Variants in APOBEC3D observed in about 807,000 individuals in gnomAD.
APOBEC3D encodes the protein DNA dC->dU-editing enzyme APOBEC-3D.
A neutral mutation model predicts 45.6 loss-of-function variants in APOBEC3D; 37 were observed. The observed-to-expected ratio is 0.81, with a 90% CI of 0.62 to 1.07. The LOEUF (loss-of-function observed/expected upper bound fraction) is 1.07, where lower values mean the gene tolerates loss of function less well. Among genes scored for constraint, APOBEC3D ranks in the 50% least tolerant of loss-of-function variants. The probability of loss-of-function intolerance (pLI) is 0.00; values close to 1 mark genes in which losing one functional copy is unlikely to be tolerated. For synonymous variants in APOBEC3D, 175 were observed against 180.7 expected (o/e 0.97, Z 0.25); for missense variants, 496 against 495.3 (o/e 1.00, Z -0.01).
At chr22:39,026,571 C>T (rs1293716316) in intron 4 of APOBEC3D, among the ~76,000 whole-genome samples, 1 of 152,080 alleles carries the variant, frequency 6.6e-6, no homozygotes, top group Non-Finnish European at 1.5e-5. Context: ...TGTCTGTCTC[C>T]CAGGCGAGTC....
chr22:39,027,846 C>T (rs1269950936), intron 4 of APOBEC3D, among the ~76,000 whole-genome samples: 1 of 152,188 alleles, frequency 6.6e-6, no homozygotes, highest in African/African-American at 2.4e-5. Flanking sequence ...CCATCTCCCC[C>T]ACCTGCCCCA....
At chr22:39,024,937 G>A (rs1345138734) in intron 2 of APOBEC3D, 133 bp from the exon 3 acceptor site, 3 of 851,166 alleles carry the variant, frequency 3.5e-6, no homozygotes, top group Non-Finnish European at 5.3e-6. Flanking sequence ...AACCAAACAG[G>A]GGGGATGGAG....
rs118081816 is a variant in APOBEC3D, at chr22:39,027,809, G to T, written c.606-1554G>T. The stretch of plus-strand genomic sequence containing the variant: ...GCCAGGCTCTTTGCCCTGCTATGTG[G>T]TCGCCCCACTGCTGCTTCTGAATGG... On this transcript the variant is annotated intron_variant, in intron 4 of 6. Coordinates refer to ENST00000216099, the MANE Select transcript of APOBEC3D (RefSeq NM_152426.4). Among the ~76,000 whole-genome samples, 364 of 152,188 alleles carry T rather than the reference G, an allele frequency of 2.4e-3. 10 individuals are homozygous for T. The East Asian group carries it at 0.06, about 25-fold the overall frequency.
intron 2 of APOBEC3D, among the ~76,000 whole-genome samples, chr22:39,023,690 C>T: frequency 6.6e-6 from 1 of 152,006 alleles, no homozygotes; most frequent in East Asian, 1.9e-4. Context: ...CTCAGGTGAT[C>T]CACCCAACTC....
chr22:39,021,388 G>A lies in APOBEC3D; in HGVS notation c.-132G>A. The A allele has an allele frequency of 7.6e-7, 1 of 1,318,270 alleles. No individual in the cohort carries two copies. The allele number at this position is 1,318,270 out of a possible 1,614,324, so 81.7% of individuals were successfully genotyped here. On this transcript the variant is annotated 5_prime_UTR_variant, in exon 1 of 7. Transcript: ENST00000216099. ...CCCAAAGTGCTGGGATTACAGGCGT[G>A]AGCCACCGTGCCCGGCCGGGAGGTC...
chr22:39,031,638 C>T lies in APOBEC3D; in HGVS notation c.763-56C>T. On this transcript the variant is annotated intron_variant, in intron 5 of 6. Coordinates refer to ENST00000216099, the MANE Select transcript of APOBEC3D (RefSeq NM_152426.4). ...CTCTTCTCCCATCGCCCCACCCCTA[C>T]ACTCCTCCTGCTCCTGGTCTGAGCT... is the stretch of plus-strand genomic sequence containing the variant. 42 of 1,601,966 alleles carry T rather than the reference C, an allele frequency of 2.6e-5. No individual in the cohort carries two copies. In the South Asian group the frequency reaches 4.2e-4, roughly 16 times the overall value.
chr22:39,032,566 C>T lies in APOBEC3D; in HGVS notation c.*250C>T. The T allele has an allele frequency of 1.6e-6, 2 of 1,242,926 alleles. No homozygotes were observed. The highest frequency in any genetic ancestry group is 2.0e-6 in the Non-Finnish European group (2 of 991,830). 77.0% of individuals were successfully genotyped at this position (1,242,926 alleles called of 1,614,324 possible). On this transcript the variant is annotated 3_prime_UTR_variant, in exon 7 of 7. Coordinates refer to ENST00000216099, the MANE Select transcript of APOBEC3D (RefSeq NM_152426.4). Reference sequence around the variant, plus strand: ...CTGGGTGCCCCTAACTTGACTCTTCCCATCTCCCCAGCATAACCAAATCTT... The same window carrying T: ...CTGGGTGCCCCTAACTTGACTCTTCTCATCTCCCCAGCATAACCAAATCTT...
intron 4 of APOBEC3D, among the ~76,000 whole-genome samples, chr22:39,027,624 C>G (rs565895459): frequency 2.6e-5 from 4 of 152,360 alleles, no homozygotes; most frequent in Admixed American, 1.3e-4. Context: ...GCCAGGGAGG[C>G]TACACATGAA....
rs754753345 is a variant in APOBEC3D at position 39,023,022 on chromosome 22, G to T, written c.210+8G>T. On this transcript the variant is annotated splice_region_variant and intron_variant, in intron 2 of 6. Transcript: ENST00000216099. ...TCGAATCACAGGCAGGAGGTAAGCA[G>T]CTGGGAATGCAGAAAACACATAAGT... The T allele has an allele frequency of 6.4e-7, 1 of 1,571,210 alleles. No individual in the cohort carries two copies. Among genetic ancestry groups the T allele is most frequent in the East Asian group, 2.4e-5 (1 of 42,534 alleles).
At chr22:39,024,762 G>T (rs1925460340) in intron 2 of APOBEC3D, among the ~76,000 whole-genome samples, 1 of 152,120 alleles carries the variant, frequency 6.6e-6, no homozygotes. Context: ...CAGCTAGAGG[G>T]CAAGAGACAG....
intron 4 of APOBEC3D, among the ~76,000 whole-genome samples, chr22:39,025,926 C>T (rs1297701949): frequency 6.6e-6 from 1 of 152,188 alleles, no homozygotes; most frequent in Non-Finnish European, 1.5e-5. Flanking sequence ...CTGCCCTCCC[C>T]ACAGCCTGGG....
At chr22:39,027,917 T>C (rs982643256) in intron 4 of APOBEC3D, among the ~76,000 whole-genome samples, 1 of 152,228 alleles carries the variant, frequency 6.6e-6, no homozygotes, top group Non-Finnish European at 1.5e-5. Context: ...GCTCCCCGCC[T>C]TGGGAGGGTG....
chr22:39,029,602 G>C lies in APOBEC3D; in HGVS notation c.762+83G>C. 2.6e-6 allele frequency: 4 copies of C among 1,534,562 alleles called. No homozygotes were observed. The South Asian group carries it at 4.6e-5, about 18-fold the overall frequency. On this transcript the variant is annotated intron_variant, in intron 5 of 6. Coordinates refer to ENST00000216099, the MANE Select transcript of APOBEC3D (RefSeq NM_152426.4). ...AAACACAATACGTGACGTGCCCCGC[G>C]TGGGCTCTGCTATGTGTACTTTCCT... is the stretch of plus-strand genomic sequence containing the variant.
chr22:39,029,215 A>T, intron 4 of APOBEC3D, 148 bp from the exon 5 acceptor site: 1 of 927,936 alleles, frequency 1.1e-6, no homozygotes, highest in African/African-American at 1.7e-5. Context: ...TCTCTCTCCC[A>T]GTCTTCCTGC....
chr22:39,027,620 G>T (rs994049412), intron 4 of APOBEC3D, among the ~76,000 whole-genome samples: 1 of 152,208 alleles, frequency 6.6e-6, no homozygotes, highest in Non-Finnish European at 1.5e-5. Context: ...GCCTGCCAGG[G>T]AGGCTACACA....
chr22:39,024,658 G>C (rs150750916), intron 2 of APOBEC3D, among the ~76,000 whole-genome samples: 35 of 152,282 alleles, frequency 2.3e-4, no homozygotes, highest in African/African-American at 8.4e-4. Context: ...AAGCTCAGGG[G>C]ATGCTCCAGA....
intron 5 of APOBEC3D, among the ~76,000 whole-genome samples, chr22:39,029,738 C>G (rs905740923): frequency 3.2e-4 from 48 of 151,758 alleles, no homozygotes; most frequent in African/African-American, 1.2e-3. Context: ...GCTGGGATTA[C>G]AGGTGCCCGC....
intron 4 of APOBEC3D, 54 bp from the exon 5 acceptor site, chr22:39,029,309 T>A: frequency 6.3e-7 from 1 of 1,599,744 alleles, no homozygotes; most frequent in Non-Finnish European, 8.6e-7. Context: ...TTGTGTTCAG[T>A]GGGCATCAGC....
chr22:39,025,141 T>C lies in APOBEC3D; in HGVS notation c.282T>C (p.Ala94=). The change falls in exon 3 of 7, where the codon GCT becomes GCC. Residue 94 remains alanine, a synonymous_variant. Coordinates refer to ENST00000216099, the MANE Select transcript of APOBEC3D (RefSeq NM_152426.4). ...LSWFCGNRLP[A]NRRFQITWFV... ...GGTTCTGTGGCAACCGACTGCCTGC[T>C]AACAGGCGCTTCCAGATCACCTGGT... 1 of 1,613,604 alleles carries C rather than the reference T, an allele frequency of 6.2e-7. No individual in the cohort carries two copies. The highest frequency in any genetic ancestry group is 8.5e-7 in the Non-Finnish European group (1 of 1,179,620).
Sources: gnomAD v4.1 joint callset for allele counts (sites outside exome capture counted in the v4.1 genomes callset) on GRCh38, gnomAD v4.1.1 for gene constraint, MANE v1.5 for transcripts, NCBI Gene and HGNC (gene_info 2026-07-23, HGNC 2026-07-21) for gene names.